FMNL2: variants seen among roughly 807,000 people sequenced by gnomAD.
The protein encoded by FMNL2 is formin like 2, also known as formin-like protein 2.
FMNL2 carries 51 observed loss-of-function variants against 130.2 expected under a neutral mutation model. The observed-to-expected ratio is 0.39, with a 90% CI of 0.31 to 0.49. FMNL2 has a LOEUF of 0.49. FMNL2 is among the 20% of genes least tolerant of loss of function. FMNL2 has a pLI of 0.85. For synonymous variants in FMNL2, 465 were observed against 467.1 expected, an observed-to-expected ratio of 1.00 and a Z score of 0.06; for missense variants, 977 against 1,316.2, an observed-to-expected ratio of 0.74 and a Z score of 3.99.
chr2:152,607,446 C>G (rs781579764), intron 10 of FMNL2, 33 bp downstream of exon 10: 2 of 1,490,998 alleles, frequency 1.3e-6, no homozygotes, highest in South Asian at 2.3e-5. Context: ...AAAGCAAACT[C>G]AGTTTCAATA....
intron 1 of FMNL2, among the ~76,000 whole-genome samples, chr2:152,418,273 A>G (rs1408238412): frequency 6.6e-6 from 1 of 150,712 alleles, no homozygotes; most frequent in African/African-American, 2.5e-5. Flanking sequence ...CACGTTTTTA[A>G]TTTTTATTTT....
chr2:152,364,259 GTGTTTTTTTTTTTTTTTTT>G (rs1683371048), intron 1 of FMNL2, among the ~76,000 whole-genome samples: 3 of 100,798 alleles, frequency 3.0e-5, no homozygotes, highest in Non-Finnish European at 5.4e-5. Context: ...GGAGGTTTGT[GTGTTTTTTTTTTTTTTTTT>G]TTTTTTTTTT....
intron 25 of FMNL2, among the ~76,000 whole-genome samples, chr2:152,641,852 G>A (rs1237835054): frequency 6.6e-6 from 1 of 151,858 alleles, no homozygotes; most frequent in African/African-American, 2.4e-5. Context: ...TCACATCTAA[G>A]AATCCCTTAA....
rs1414892021 is a variant in FMNL2 at position 152,371,686 on chromosome 2, A to AG, written c.117+35966_117+35967insG. Among the ~76,000 whole-genome samples, 653 of 149,782 alleles carry AG rather than the reference A, an allele frequency of 4.4e-3. 3 individuals carry two copies. Among genetic ancestry groups the AG allele is most frequent in the South Asian group, 0.027 (126 of 4,662 alleles). The stretch of plus-strand genomic sequence containing the variant: ...TCTGTCTCAAAAAAAAAAAAAAAAA[A>AG]AAAGAAAGAAATGTAATCCCTAATG... On this transcript the variant is annotated intron_variant, in intron 1 of 25. Coordinates refer to ENST00000288670, the MANE Select transcript of FMNL2 (RefSeq NM_052905.4).
chr2:152,363,186 A>G (rs898712489), intron 1 of FMNL2, among the ~76,000 whole-genome samples: 1 of 152,340 alleles, frequency 6.6e-6, no homozygotes, highest in Admixed American at 6.5e-5. Context: ...ATCATATGCT[A>G]TAGGGATAAC....
At chr2:152,542,880 T>A in intron 3 of FMNL2, 61 bp downstream of exon 3, 1 of 1,567,218 alleles carries the variant, frequency 6.4e-7, no homozygotes, top group Admixed American at 1.7e-5. Flanking sequence ...AGAATCCTCC[T>A]GCATTGGAAG....
At chr2:152,563,040 G>A (rs1695621619) in intron 6 of FMNL2, among the ~76,000 whole-genome samples, 1 of 152,140 alleles carries the variant, frequency 6.6e-6, no homozygotes, top group Non-Finnish European at 1.5e-5. Flanking sequence ...GAAAATCTGG[G>A]AAACTTCCCA....
intron 1 of FMNL2, among the ~76,000 whole-genome samples, chr2:152,495,008 TTTAA>T (rs1691424629): frequency 6.6e-6 from 1 of 152,214 alleles, no homozygotes; most frequent in Non-Finnish European, 1.5e-5. Flanking sequence ...TATAGCTCAG[TTTAA>T]TTAACAGAAG....
At chr2:152,512,431 T>A (rs1692538820) in intron 1 of FMNL2, among the ~76,000 whole-genome samples, 1 of 151,972 alleles carries the variant, frequency 6.6e-6, no homozygotes, top group Non-Finnish European at 1.5e-5. Context: ...ATATGGGGAG[T>A]AGTAGGAAGA....
intron 1 of FMNL2, among the ~76,000 whole-genome samples, chr2:152,485,841 T>C (rs532140487): frequency 6.6e-6 from 1 of 152,332 alleles, no homozygotes; most frequent in East Asian, 1.9e-4. Context: ...AAGAATAGTT[T>C]GAAGAGAAAG....
intron 9 of FMNL2, 24 bp from the exon 10 acceptor site, chr2:152,607,315 G>T (rs1580082764): frequency 3.1e-6 from 5 of 1,605,486 alleles, no homozygotes; most frequent in African/African-American, 1.3e-5. Flanking sequence ...AAAGTCACAT[G>T]CACAATGAAA....
At chr2:152,412,041 T>C (rs1260085804) in intron 1 of FMNL2, among the ~76,000 whole-genome samples, 1 of 152,110 alleles carries the variant, frequency 6.6e-6, no homozygotes, top group Admixed American at 6.5e-5. Flanking sequence ...TACAAACTCA[T>C]TTTGGGTTAA....
At chr2:152,360,475 T>C (rs1479525943) in intron 1 of FMNL2, among the ~76,000 whole-genome samples, 2 of 152,072 alleles carry the variant, frequency 1.3e-5, no homozygotes, top group African/African-American at 4.8e-5. Flanking sequence ...GGACTACAGG[T>C]ACCCACCACC....
At chr2:152,638,141 G>A (rs1225728073) in intron 23 of FMNL2, among the ~76,000 whole-genome samples, 2 of 152,198 alleles carry the variant, frequency 1.3e-5, no homozygotes, top group Non-Finnish European at 2.9e-5. Flanking sequence ...ATGGACTAAA[G>A]GATGGTGCTT....
At chr2:152,376,515 C>T (rs1328205530) in intron 1 of FMNL2, among the ~76,000 whole-genome samples, 2 of 152,072 alleles carry the variant, frequency 1.3e-5, no homozygotes, top group East Asian at 1.9e-4. Context: ...TCATTGGGGC[C>T]GAGGAAGGAG....
intron 9 of FMNL2, among the ~76,000 whole-genome samples, chr2:152,594,902 G>A (rs1697671931): frequency 6.6e-6 from 1 of 152,118 alleles, no homozygotes; most frequent in Admixed American, 6.5e-5. Context: ...AAATAGCCCA[G>A]TGGTTCCTAC....
At chr2:152,368,967 A>G (rs1489284652) in intron 1 of FMNL2, among the ~76,000 whole-genome samples, 1 of 152,162 alleles carries the variant, frequency 6.6e-6, no homozygotes, top group African/African-American at 2.4e-5. Flanking sequence ...TTATATCTGA[A>G]TCATCATCTT....
chr2:152,609,153 A>G (rs757601739), intron 10 of FMNL2, among the ~76,000 whole-genome samples: 29 of 152,232 alleles, frequency 1.9e-4, no homozygotes, highest in Non-Finnish European at 3.4e-4. Context: ...CTATCCATAC[A>G]CAAACTAGGT....
intron 1 of FMNL2, among the ~76,000 whole-genome samples, chr2:152,503,106 G>A (rs894072390): frequency 2.0e-5 from 3 of 152,162 alleles, no homozygotes; most frequent in Admixed American, 6.5e-5. Context: ...CATGACACTC[G>A]TTCAAGATGG....
Sources: allele counts gnomAD v4.1 joint callset (sites outside exome capture counted in the v4.1 genomes callset), GRCh38; gene constraint gnomAD v4.1.1; transcripts MANE v1.5; gene names NCBI Gene and HGNC (gene_info 2026-07-23, HGNC 2026-07-21).